Variants in NOS1 observed in about 807,000 individuals in gnomAD.
NOS1 encodes nitric oxide synthase 1.
A neutral mutation model predicts 164.5 loss-of-function variants in NOS1; 51 were observed. The ratio of observed to expected loss-of-function variants is 0.31; its 90% confidence interval spans 0.25 to 0.39. The LOEUF is 0.39. Ranked by LOEUF, NOS1 falls within the 10% of genes least tolerant of loss-of-function variation. The probability of loss-of-function intolerance (pLI) is 1.00; values close to 1 mark genes in which losing one functional copy is unlikely to be tolerated. For missense variants in NOS1, 1,362 were observed against 1,885.6 expected, an observed-to-expected ratio of 0.72 and a Z score of 5.14; for synonymous variants, 719 against 745.8, an observed-to-expected ratio of 0.96 and a Z score of 0.59.
At chr12:117,245,577 A>AT (rs1356310216) in intron 18 of NOS1, 1 of 152,840 alleles carries the variant, frequency 6.5e-6, no homozygotes, top group Non-Finnish European at 1.5e-5. Flanking sequence ...TTCCAGTGCA[A>AT]TTTCAGGTAT....
At chr12:117,314,259 G>C (rs1197231427) in intron 2 of NOS1, among the ~76,000 whole-genome samples, 1 of 152,160 alleles carries the variant, frequency 6.6e-6, no homozygotes, top group Non-Finnish European at 1.5e-5. Context: ...CATTTCCCAA[G>C]TCAACGGCTA....
At chr12:117,281,873 G>A (rs1208192708) in intron 7 of NOS1, among the ~76,000 whole-genome samples, 4 of 148,314 alleles carry the variant, frequency 2.7e-5, no homozygotes, top group African/African-American at 9.9e-5. Flanking sequence ...ACAGAATCCC[G>A]ATTCCAGTCT....
At chr12:117,302,188 T>C (rs1433735765) in intron 3 of NOS1, 39 of 423,012 alleles carry the variant, frequency 9.2e-5, no homozygotes, top group Non-Finnish European at 1.8e-4. Flanking sequence ...TATTAGGTCC[T>C]GTTGTTATGG....
At chr12:117,322,699 CTCCT>C (rs1875037534) in intron 2 of NOS1, among the ~76,000 whole-genome samples, 1 of 119,216 alleles carries the variant, frequency 8.4e-6, no homozygotes, top group Non-Finnish European at 1.7e-5. Flanking sequence ...CCTTCCTTCC[CTCCT>C]TCTTTCCTTT....
intron 1 of NOS1, among the ~76,000 whole-genome samples, chr12:117,345,891 A>G (rs770748139): frequency 6.6e-6 from 1 of 152,258 alleles, no homozygotes; most frequent in African/African-American, 2.4e-5. Context: ...CCACCTGTGC[A>G]TAGCACAGGA....
chr12:117,258,442 G>T lies in NOS1; in HGVS notation c.2486C>A (p.Ala829Asp). Residue 829 changes from alanine to aspartate, a missense_variant, in exon 16 of 29, where the codon GCT becomes GAT. By Grantham distance (126) the Ala-to-Asp change is moderately radical (BLOSUM62 -2). Around this residue, in one of 4 missense-constraint regions of NOS1, gnomAD observed 737 missense variants for 1,030.3 expected, o/e 0.72. Transcript: ENST00000317775. ...GTTGGGGTGCCTCATTTCCATCAAA[G>T]CACAGCCGAATTTCTGGAAGCCAAA... ...PPENGEKFGC[A>D]LMEMRHPNSV... 1 of 1,614,120 alleles carries T rather than the reference G, an allele frequency of 6.2e-7. No homozygotes were observed. Among genetic ancestry groups the T allele is most frequent in the Non-Finnish European group, 8.5e-7 (1 of 1,180,008 alleles).
At chr12:117,319,844 C>T (rs1237592517) in intron 2 of NOS1, among the ~76,000 whole-genome samples, 1 of 152,008 alleles carries the variant, frequency 6.6e-6, no homozygotes, top group East Asian at 1.9e-4. Context: ...GTGGCCTGGC[C>T]TGTGATGAGC....
chr12:117,327,713 T>G (rs471871), intron 2 of NOS1, among the ~76,000 whole-genome samples: 1 of 152,010 alleles, frequency 6.6e-6, no homozygotes, highest in Non-Finnish European at 1.5e-5. Context: ...GTCCAAGACT[T>G]TTGGTCTTCC....
rs55848937 is a variant in NOS1, at chr12:117,214,039, C to T, written c.*1270G>A. The T allele has an allele frequency of 4.1e-3, 4,088 of 985,394 alleles. 10 individuals are homozygous for T. Among genetic ancestry groups the T allele is most frequent in the Non-Finnish European group, 4.7e-3 (3,889 of 829,926 alleles). The allele number at this position is 985,394 out of a possible 1,614,324, so 61.0% of individuals were successfully genotyped here. A position where few individuals can be genotyped will look rare whatever the true frequency, so the allele number is the denominator to read the frequency against. ...TTTGGAGATCAACTGCAGAGGGCAA[C>T]AAGCCTGAGGGACAAGTTCTTCCCA... On this transcript the variant is annotated 3_prime_UTR_variant, in exon 29 of 29. Coordinates refer to ENST00000317775, the MANE Select transcript of NOS1 (RefSeq NM_000620.5).
chr12:117,213,562 T>C lies in NOS1; in HGVS notation c.*1747A>G, dbSNP rs9658565. 4.1e-3 allele frequency: 4,021 copies of C among 985,476 alleles called. 136 individuals carry two copies. In the East Asian group the frequency reaches 0.14, roughly 36 times the overall value. The allele number at this position is 985,476 out of a possible 1,614,324, so 61.0% of individuals were successfully genotyped here. On this transcript the variant is annotated 3_prime_UTR_variant, in exon 29 of 29. Coordinates refer to ENST00000317775, the MANE Select transcript of NOS1 (RefSeq NM_000620.5). ...TTGCCTTTTCACTTTAACAGTCTCCTGGCCTGGGCCCTTTGGGGTCTTGGT... is the reference window on the plus strand; with the variant it reads ...TTGCCTTTTCACTTTAACAGTCTCCCGGCCTGGGCCCTTTGGGGTCTTGGT...
intron 22 of NOS1, among the ~76,000 whole-genome samples, chr12:117,231,675 T>C (rs1178756271): frequency 6.6e-6 from 1 of 152,226 alleles, no homozygotes; most frequent in Non-Finnish European, 1.5e-5. Context: ...AAGATGGCAC[T>C]AATGGAAGCT....
chr12:117,297,604 CTG>C (rs9658320), intron 3 of NOS1, among the ~76,000 whole-genome samples: 2,134 of 152,102 alleles, frequency 0.014, 46 homozygotes, highest in African/African-American at 0.048. Context: ...GTTGGTTGGG[CTG>C]ATCTCGAACT....
In NOS1 at chr12:117,218,015, T is replaced by C. The variant is rs201280033; in HGVS notation, c.4289+31A>G. The stretch of plus-strand genomic sequence containing the variant: ...GGGACCTAGAAGAGAGGGCTCTTCC[T>C]GCCCCTCACCCAGGGATGGAGCCAG... On this transcript the variant is annotated intron_variant, in intron 28 of 28. Coordinates refer to ENST00000317775, the MANE Select transcript of NOS1 (RefSeq NM_000620.5). 302 of 1,496,130 alleles carry C rather than the reference T, an allele frequency of 2.0e-4. 1 individual carries two copies. In the African/African-American group the frequency reaches 3.6e-3, roughly 18 times the overall value. The allele number at this position is 1,496,130 out of a possible 1,614,324, so 92.7% of individuals were successfully genotyped here.
At chr12:117,286,471 C>T (rs1293708619) in intron 5 of NOS1, among the ~76,000 whole-genome samples, 2 of 152,250 alleles carry the variant, frequency 1.3e-5, no homozygotes, top group South Asian at 2.1e-4. Context: ...AGATATAAGT[C>T]AACCAGCTGG....
chr12:117,341,183 C>A (rs929984587), intron 1 of NOS1, among the ~76,000 whole-genome samples: 7 of 152,144 alleles, frequency 4.6e-5, no homozygotes. Context: ...GCTTAAGGCA[C>A]TTTGTGTTGA....
intron 11 of NOS1, among the ~76,000 whole-genome samples, chr12:117,266,137 G>A (rs1009227567): frequency 1.3e-5 from 2 of 151,718 alleles, no homozygotes; most frequent in African/African-American, 4.8e-5. Flanking sequence ...TAGGCTTTTG[G>A]GGAACAGGTG....
chr12:117,307,020 C>G (rs1337703426), intron 3 of NOS1, among the ~76,000 whole-genome samples: 2 of 152,228 alleles, frequency 1.3e-5, no homozygotes, highest in Non-Finnish European at 2.9e-5. Context: ...TTGAGCTCCA[C>G]TCCTCAGGCT....
chr12:117,223,482 G>A (rs1249317890), intron 25 of NOS1, among the ~76,000 whole-genome samples: 5 of 151,908 alleles, frequency 3.3e-5, no homozygotes, highest in Admixed American at 2.0e-4. Flanking sequence ...GGCTGGTCTC[G>A]AACTCCTGAC....
chr12:117,216,323 C>G (rs921159018), intron 28 of NOS1, among the ~76,000 whole-genome samples: 1 of 151,724 alleles, frequency 6.6e-6, no homozygotes, highest in Admixed American at 6.6e-5. Context: ...GCTGGGACTA[C>G]AGGCACCTGC....
Sources: gnomAD v4.1 joint callset for allele counts (sites outside exome capture counted in the v4.1 genomes callset) on GRCh38, gnomAD v4.1.1 for gene constraint, gnomAD v4.1.1 regional missense constraint, MANE v1.5 for transcripts, NCBI Gene and HGNC (gene_info 2026-07-23, HGNC 2026-07-21) for gene names.